CCDC85C: variants seen among roughly 807,000 people sequenced by gnomAD.
CCDC85C encodes coiled-coil domain containing 85C, also known as coiled-coil domain-containing protein 85C.
CCDC85C carries 18 observed loss-of-function variants against 38.3 expected under a neutral mutation model. The observed-to-expected ratio is 0.47, with a 90% CI of 0.33 to 0.70. The LOEUF (loss-of-function observed/expected upper bound fraction) is 0.70, where lower values mean the gene tolerates loss of function less well. Among genes scored for constraint, CCDC85C ranks in the 30% least tolerant of loss-of-function variants. CCDC85C has a pLI of 0.03. For missense variants in CCDC85C, 566 were observed against 621.2 expected (o/e 0.91, Z 0.94); for synonymous variants, 264 against 293.8 (o/e 0.90, Z 1.04).
chr14:99,590,507 C>G (rs902901906), intron 1 of CCDC85C, among the ~76,000 whole-genome samples: 1 of 152,130 alleles, frequency 6.6e-6, no homozygotes, highest in African/African-American at 2.4e-5. Context: ...AGCAGAGACC[C>G]CCTTGCCTGC....
At chr14:99,539,017 T>C (rs1897660697) in intron 1 of CCDC85C, among the ~76,000 whole-genome samples, 1 of 152,240 alleles carries the variant, frequency 6.6e-6, no homozygotes, top group Non-Finnish European at 1.5e-5. Flanking sequence ...CAGACCCATC[T>C]GTTGAGGTTT....
chr14:99,596,967 G>A (rs571234611), intron 1 of CCDC85C, among the ~76,000 whole-genome samples: 29 of 152,304 alleles, frequency 1.9e-4, no homozygotes, highest in African/African-American at 5.3e-4. Context: ...AGCTCAGGAC[G>A]CCTGCCCTAG....
In CCDC85C at chr14:99,533,637, G is replaced by A. The variant is rs916981687; in HGVS notation, c.867+2378C>T. ...TCTGATGTCGGTGCCCTGCAGACCT[G>A]GCCCACGGATGAGGATGTGAACAGA... On this transcript the variant is annotated intron_variant, in intron 2 of 5. Coordinates refer to ENST00000380243, the MANE Select transcript of CCDC85C (RefSeq NM_001144995.2). This position sits in a 1 kb window ranked among gnomAD's most constrained non-coding sequence, Gnocchi z 4.2. 2.0e-5 allele frequency among the ~76,000 whole-genome samples: 3 copies of A among 152,206 alleles called. No homozygotes were observed. Among genetic ancestry groups the A allele is most frequent in the African/African-American group, 7.2e-5 (3 of 41,446 alleles).
intron 1 of CCDC85C, among the ~76,000 whole-genome samples, chr14:99,578,407 C>T (rs1414352667): frequency 6.6e-6 from 1 of 152,108 alleles, no homozygotes; most frequent in African/African-American, 2.4e-5. Context: ...TGTGAGTGTA[C>T]ACCTCTCCAC....
intron 1 of CCDC85C, among the ~76,000 whole-genome samples, chr14:99,584,182 C>T (rs1183445140): frequency 1.3e-5 from 2 of 152,096 alleles, no homozygotes; most frequent in South Asian, 2.1e-4. Context: ...TGCGCATAGC[C>T]GTGCCTGACT....
intron 1 of CCDC85C, among the ~76,000 whole-genome samples, chr14:99,578,238 C>T (rs1217677213): frequency 1.4e-5 from 2 of 142,944 alleles, no homozygotes; most frequent in Admixed American, 7.0e-5. Flanking sequence ...TATCCCCCAT[C>T]GGTGTGTTTG....
chr14:99,563,879 A>T (rs902222111), intron 1 of CCDC85C, among the ~76,000 whole-genome samples: 1 of 152,092 alleles, frequency 6.6e-6, no homozygotes, highest in African/African-American at 2.4e-5. Context: ...CCTCCAGGGT[A>T]TGTGGGGCAG....
chr14:99,576,292 C>T lies in CCDC85C; in HGVS notation c.793+26875G>A, dbSNP rs774565221. 2.0e-4 allele frequency among the ~76,000 whole-genome samples: 30 copies of T among 152,224 alleles called. No homozygotes were observed. Among genetic ancestry groups the T allele is most frequent in the Middle Eastern group, 3.2e-3 (1 of 316 alleles). ...CCCACCCTCTGACCCCATCTAAAATCCAGGGCCAGGGCCCCTCGAGGGTGG... is the reference window on the plus strand; with the variant it reads ...CCCACCCTCTGACCCCATCTAAAATTCAGGGCCAGGGCCCCTCGAGGGTGG... On this transcript the variant is annotated intron_variant, in intron 1 of 5. Transcript: ENST00000380243. This position sits in a 1 kb window ranked among gnomAD's most constrained non-coding sequence, Gnocchi z 4.8.
chr14:99,546,369 C>A (rs537315047), intron 1 of CCDC85C, among the ~76,000 whole-genome samples: 1 of 151,906 alleles, frequency 6.6e-6, no homozygotes, highest in Non-Finnish European at 1.5e-5. Flanking sequence ...CAGGTGGAGG[C>A]GGCTCAGGAA....
chr14:99,539,630 C>T (rs183928733), intron 1 of CCDC85C, among the ~76,000 whole-genome samples: 118 of 152,210 alleles, frequency 7.8e-4, no homozygotes, highest in African/African-American at 2.8e-3. Context: ...TGGAAAAACA[C>T]TTAAAATGCC....
chr14:99,599,818 C>T (rs936577184), intron 1 of CCDC85C, among the ~76,000 whole-genome samples: 29 of 152,118 alleles, frequency 1.9e-4, no homozygotes, highest in Admixed American at 4.6e-4. Context: ...GAGGTTGCCG[C>T]GAGCCATGAT....
In CCDC85C at chr14:99,572,418, C is replaced by G. The variant is rs1459197083; in HGVS notation, c.793+30749G>C. On this transcript the variant is annotated intron_variant, in intron 1 of 5. Coordinates refer to ENST00000380243, the MANE Select transcript of CCDC85C (RefSeq NM_001144995.2). The surrounding 1 kb of genome is among the most constrained non-coding windows in gnomAD (Gnocchi z 4.4). ...AGCCTGCAATCCCGGCTCCCACCCC[C>G]ACCCCAAGGCCCTGCTCCACAGGGA... Among the ~76,000 whole-genome samples, 3 of 152,200 alleles carry G rather than the reference C, an allele frequency of 2.0e-5. No homozygotes were observed. The highest frequency in any genetic ancestry group is 4.4e-5 in the Non-Finnish European group (3 of 68,030).
intron 1 of CCDC85C, among the ~76,000 whole-genome samples, chr14:99,595,180 AC>A (rs1342497387): frequency 6.6e-6 from 1 of 152,160 alleles, no homozygotes; most frequent in Non-Finnish European, 1.5e-5. Flanking sequence ...CCCCAGCTGA[AC>A]CCAAGGTGCA....
At position 99,503,517 on chromosome 14, in the gene CCDC85C, G is replaced by C. The variant is rs919228841; in HGVS notation, c.*11729C>G. The C allele has an allele frequency of 9.3e-7, 1 of 1,077,540 alleles. No individual in the cohort carries two copies. Among genetic ancestry groups the C allele is most frequent in the African/African-American group, 1.6e-5 (1 of 62,422 alleles). 66.7% of individuals were successfully genotyped at this position (1,077,540 alleles called of 1,614,324 possible). On this transcript the variant is annotated 3_prime_UTR_variant, in exon 6 of 6. Coordinates refer to ENST00000380243, the MANE Select transcript of CCDC85C (RefSeq NM_001144995.2). ...TTGTCCGAGGCTGTTCACAGTGACT[G>C]CCGTCGCTGATTCTGGTGGTACCTG...
rs1328141791 is a variant in CCDC85C, at chr14:99,545,814, G to A, written c.794-9726C>T. ...TTTAAAATCTGATCTCTTCCCCTGAGACTAACTGGACACTCTAGGGGAGGG... is the reference window on the plus strand; with the variant it reads ...TTTAAAATCTGATCTCTTCCCCTGAAACTAACTGGACACTCTAGGGGAGGG... On this transcript the variant is annotated intron_variant, in intron 1 of 5. Coordinates refer to ENST00000380243, the MANE Select transcript of CCDC85C (RefSeq NM_001144995.2). This position sits in a 1 kb window ranked among gnomAD's most constrained non-coding sequence, Gnocchi z 4.7. Among the ~76,000 whole-genome samples the A allele has an allele frequency of 2.6e-5, 4 of 152,114 alleles. No individual in the cohort carries two copies. Among genetic ancestry groups the A allele is most frequent in the African/African-American group, 9.7e-5 (4 of 41,430 alleles).
intron 1 of CCDC85C, among the ~76,000 whole-genome samples, chr14:99,598,329 C>T (rs561081016): frequency 3.3e-5 from 5 of 152,366 alleles, no homozygotes; most frequent in Admixed American, 2.0e-4. Context: ...TCCCCACCGG[C>T]GGAAAACAGA....
chr14:99,501,727 T>C lies in CCDC85C; in HGVS notation c.*13519A>G, dbSNP rs751470489. ...GAGCCCATTTGGTTTTGCAAAAATA[T>C]ACTTCCTGGTATAGTTTTAGAGCCT... On this transcript the variant is annotated 3_prime_UTR_variant, in exon 6 of 6. Transcript: ENST00000380243. 2.8e-5 allele frequency: 9 copies of C among 324,758 alleles called. No homozygotes were observed. The highest frequency in any genetic ancestry group is 4.5e-5 in the Non-Finnish European group (8 of 178,288). The allele number at this position is 324,758 out of a possible 1,614,324, so 20.1% of individuals were successfully genotyped here. A position where few individuals can be genotyped will look rare whatever the true frequency, so the allele number is the denominator to read the frequency against.
In CCDC85C at chr14:99,603,966, G is replaced by A; in HGVS notation, c.-7C>T. On this transcript the variant is annotated 5_prime_UTR_variant, in exon 1 of 6. Coordinates refer to ENST00000380243, the MANE Select transcript of CCDC85C (RefSeq NM_001144995.2). The surrounding 1 kb of genome is among the most constrained non-coding windows in gnomAD (Gnocchi z 7.5). ...TCGCCGCGGGCTTAGCCATGGCGGG[G>A]CCGTCACCGCGGCATCGCCCTCGCC... is the stretch of plus-strand genomic sequence containing the variant. 3.0e-6 allele frequency: 4 copies of A among 1,329,132 alleles called. No homozygotes were observed. Among genetic ancestry groups the A allele is most frequent in the South Asian group, 3.9e-5 (2 of 51,632 alleles). 82.3% of individuals were successfully genotyped at this position (1,329,132 alleles called of 1,614,324 possible).
chr14:99,597,814 T>G (rs1207835167), intron 1 of CCDC85C, among the ~76,000 whole-genome samples: 3 of 152,030 alleles, frequency 2.0e-5, no homozygotes, highest in African/African-American at 7.3e-5. Flanking sequence ...GACCCTACAC[T>G]GGGTACCAGC....
Sources: allele counts gnomAD v4.1 joint callset (sites outside exome capture counted in the v4.1 genomes callset), GRCh38; gene constraint gnomAD v4.1.1; non-coding constraint Gnocchi (gnomAD v3.1); transcripts MANE v1.5; gene names NCBI Gene and HGNC (gene_info 2026-07-23, HGNC 2026-07-21).